ZNF496: variants seen among roughly 807,000 people sequenced by gnomAD.
The protein encoded by ZNF496 is NSD1 (nuclear receptor binding SET-domain containing 1)-interacting zinc finger protein 1.
Under a neutral mutation model 58.9 loss-of-function variants are expected in ZNF496, and 11 were observed. The observed-to-expected ratio is 0.19, with a 90% CI of 0.12 to 0.31. The LOEUF (loss-of-function observed/expected upper bound fraction) is 0.31, where lower values mean the gene tolerates loss of function less well. Among genes scored for constraint, ZNF496 ranks in the 10% least tolerant of loss-of-function variants. ZNF496 has a pLI of 1.00. For missense variants in ZNF496, 660 were observed against 783.0 expected (o/e 0.84, Z 1.88); for synonymous variants, 338 against 318.2 (o/e 1.06, Z -0.66).
At chr1:247,328,467 G>C (rs1255763892) in intron 5 of ZNF496, among the ~76,000 whole-genome samples, 2 of 152,170 alleles carry the variant, frequency 1.3e-5, no homozygotes, top group Non-Finnish European at 2.9e-5. Context: ...GCTCTGAGAG[G>C]CTCTAGAACC....
intron 5 of ZNF496, among the ~76,000 whole-genome samples, chr1:247,325,978 C>G (rs1391250707): frequency 6.6e-6 from 1 of 151,788 alleles, no homozygotes; most frequent in Non-Finnish European, 1.5e-5. Context: ...CAGTGGCTCA[C>G]GCCTGTAATC....
rs935418255 is a variant in ZNF496, at chr1:247,309,111, A to C, written c.893-523T>G. 4.7e-5 allele frequency: 8 copies of C among 168,764 alleles called. No homozygotes were observed. Among genetic ancestry groups the C allele is most frequent in the Non-Finnish European group, 1.0e-4 (8 of 78,310 alleles). The allele number at this position is 168,764 out of a possible 1,614,324, so 10.5% of individuals were successfully genotyped here. ...AGGGGAAGAAGGTGTGGAGCTGCTG[A>C]TGATTCTGTACAAAGCTATTTCCTC... On this transcript the variant is annotated intron_variant, in intron 8 of 9. Transcript: ENST00000682384. This position sits in a 1 kb window ranked among gnomAD's most constrained non-coding sequence, Gnocchi z 4.3.
chr1:247,328,979 A>T (rs1221393645), intron 4 of ZNF496, 113 bp from the exon 5 acceptor site: 1 of 1,430,756 alleles, frequency 7.0e-7, no homozygotes, highest in Non-Finnish European at 9.4e-7. Flanking sequence ...TAGGCCTTGG[A>T]CTGGGCTGTA....
chr1:247,327,368 G>A (rs1660165496), intron 5 of ZNF496, among the ~76,000 whole-genome samples: 1 of 152,136 alleles, frequency 6.6e-6, no homozygotes, highest in Admixed American at 6.5e-5. Flanking sequence ...CCAACCCCTA[G>A]CTCCTTCTAA....
chr1:247,305,533 C>T (rs1270405124), intron 9 of ZNF496, among the ~76,000 whole-genome samples: 3 of 152,172 alleles, frequency 2.0e-5, no homozygotes, highest in Admixed American at 6.5e-5. Context: ...AGGCATGCAG[C>T]GTGCAGGTAA....
intron 5 of ZNF496, among the ~76,000 whole-genome samples, chr1:247,326,087 T>C (rs2386530): frequency 6.8e-6 from 1 of 146,788 alleles, no homozygotes; most frequent in Non-Finnish European, 1.5e-5. Context: ...CACACACATA[T>C]ATACACACAC....
rs1219118722 is a variant in ZNF496, at chr1:247,309,772, T to C, written c.819A>G (p.Gly273=). 1.2e-6 allele frequency: 2 copies of C among 1,614,054 alleles called. No homozygotes were observed. The highest frequency in any genetic ancestry group is 4.5e-5 in the East Asian group (2 of 44,886). The change falls in exon 8 of 10, where the codon GGA becomes GGG. Residue 273 remains glycine (G), a synonymous_variant. Transcript: ENST00000682384. This position sits in a 1 kb window ranked among gnomAD's most constrained non-coding sequence, Gnocchi z 4.3. ...DLAAQPDLSQ[G]EENEPRVPEL... ...CTGGAACGCGTGGCTCATTCTCCTC[T>C]CCCTGGGAGAGATCTGGCTGGGCAG...
At chr1:247,321,472 T>C (rs1041072891) in intron 6 of ZNF496, among the ~76,000 whole-genome samples, 1 of 152,120 alleles carries the variant, frequency 6.6e-6, no homozygotes, top group Non-Finnish European at 1.5e-5. Context: ...TTAACACCAC[T>C]GAACCGCACA....
At chr1:247,328,617 C>G in intron 5 of ZNF496, 66 bp downstream of exon 5, 1 of 1,426,706 alleles carries the variant, frequency 7.0e-7, no homozygotes, top group Non-Finnish European at 9.3e-7. Context: ...AAAACCACAC[C>G]CAGTGCACAG....
chr1:247,302,950 G>A (rs780888161), intron 9 of ZNF496, among the ~76,000 whole-genome samples: 1 of 152,180 alleles, frequency 6.6e-6, no homozygotes, highest in African/African-American at 2.4e-5. Context: ...AAGGTGGACC[G>A]CTAAGATCTC....
chr1:247,323,166 G>A lies in ZNF496; in HGVS notation c.639C>T (p.Leu213=), dbSNP rs781318493. Residue 213 remains leucine (L), a synonymous_variant, in exon 6 of 10, where the codon CTC becomes CTT. Coordinates refer to ENST00000682384, the MANE Select transcript of ZNF496 (RefSeq NM_032752.3). The part of the protein sequence containing the change: ...NVRDTQQVTT[L]QLPPSRVSPF... ...AGAAACCACTCACCGGGGGTAGCTG[G>A]AGGGTGGTCACCTGCTGTGTGTCCC... is the stretch of plus-strand genomic sequence containing the variant. 1.1e-5 allele frequency: 17 copies of A among 1,613,884 alleles called. No homozygotes were observed. The highest frequency in any genetic ancestry group is 1.6e-4 in the Middle Eastern group (1 of 6,064).
intron 5 of ZNF496, 42 bp downstream of exon 5, chr1:247,328,641 C>A: frequency 6.6e-7 from 1 of 1,509,848 alleles, no homozygotes; most frequent in Non-Finnish European, 8.9e-7. Context: ...GGGGTGTGCA[C>A]TTCCCCAGAT....
Position 247,323,156 on chromosome 1 carries a change from G to A in ZNF496, c.649C>T (p.Pro217Ser). 1 of 1,613,652 alleles carries A rather than the reference G, an allele frequency of 6.2e-7. No homozygotes were observed. The highest frequency in any genetic ancestry group is 1.1e-5 in the South Asian group (1 of 91,064). ...TQQVTTLQLPPSRVSPFKDMI... is the reference protein window; with the variant it reads ...TQQVTTLQLPSSRVSPFKDMI... ...GGACTCCTGTAGAAACCACTCACCG[G>A]GGGTAGCTGGAGGGTGGTCACCTGC... Residue 217 changes from proline to serine, a missense_variant and splice_region_variant, in exon 6 of 10, where the codon CCG (proline) becomes TCG (serine). Transcript: ENST00000682384.
rs185574025 is a variant in ZNF496 at position 247,322,833 on chromosome 1, C to T, written c.651+321G>A. 5.9e-5 allele frequency: 77 copies of T among 1,294,356 alleles called. No homozygotes were observed. The African/African-American group carries it at 1.0e-3, about 17-fold the overall frequency. The allele number at this position is 1,294,356 out of a possible 1,614,324, so 80.2% of individuals were successfully genotyped here. ...GTAAAATAAAAGAGCAGAGAGATCTCCTTTTTCACAAGAGGGGAACTTAGA... is the reference window on the plus strand; with the variant it reads ...GTAAAATAAAAGAGCAGAGAGATCTTCTTTTTCACAAGAGGGGAACTTAGA... On this transcript the variant is annotated intron_variant, in intron 6 of 9. Coordinates refer to ENST00000682384, the MANE Select transcript of ZNF496 (RefSeq NM_032752.3).
At chr1:247,307,154 C>T (rs937462765) in intron 9 of ZNF496, 23 of 985,326 alleles carry the variant, frequency 2.3e-5, no homozygotes, top group African/African-American at 3.5e-5. Flanking sequence ...GAGTGTCCTG[C>T]GTGGGCATGG....
In ZNF496 at chr1:247,321,892, A is replaced by C. The variant is rs539506685; in HGVS notation, c.651+1262T>G. On this transcript the variant is annotated intron_variant, in intron 6 of 9. Coordinates refer to ENST00000682384, the MANE Select transcript of ZNF496 (RefSeq NM_032752.3). ...GCATCAGGGTAAACAGGCGTGTGCC[A>C]CATTTCTGGTGGGGCAAAAGCAAGT... 1.4e-4 allele frequency among the ~76,000 whole-genome samples: 22 copies of C among 152,382 alleles called. 1 individual carries two copies. The East Asian group carries it at 3.7e-3, about 25-fold the overall frequency.
rs1012703534 is a variant in ZNF496 at position 247,320,705 on chromosome 1, C to T, written c.651+2449G>A. On this transcript the variant is annotated intron_variant, in intron 6 of 9. Transcript: ENST00000682384. ...ACAATGGCATGTGAATCTACAATTA[C>T]GTAAAAATGAGAAGATTCATTTAAA... is the stretch of plus-strand genomic sequence containing the variant. 5.9e-5 allele frequency among the ~76,000 whole-genome samples: 9 copies of T among 152,046 alleles called. 1 individual carries two copies. The highest frequency in any genetic ancestry group is 2.1e-4 in the South Asian group (1 of 4,818).
At chr1:247,330,454 C>T (rs1438909992) in intron 2 of ZNF496, among the ~76,000 whole-genome samples, 1 of 152,198 alleles carries the variant, frequency 6.6e-6, no homozygotes, top group Non-Finnish European at 1.5e-5. Flanking sequence ...AAAGTGGGTC[C>T]GTCACTGCAC....
At position 247,309,896 on chromosome 1, in the gene ZNF496, T is replaced by C; in HGVS notation, c.785-90A>G. The C allele has an allele frequency of 6.8e-7, 1 of 1,480,408 alleles. No individual in the cohort carries two copies. Among genetic ancestry groups the C allele is most frequent in the South Asian group, 1.2e-5 (1 of 81,214 alleles). 91.7% of individuals were successfully genotyped at this position (1,480,408 alleles called of 1,614,324 possible). On this transcript the variant is annotated intron_variant, in intron 7 of 9. Coordinates refer to ENST00000682384, the MANE Select transcript of ZNF496 (RefSeq NM_032752.3). This position sits in a 1 kb window ranked among gnomAD's most constrained non-coding sequence, Gnocchi z 4.3. ...GTCCAGAAGAGAGAAGGCGGAGGGA[T>C]GCCCAGCGGGCATGGCACCATCAGG...
Sources: allele counts gnomAD v4.1 joint callset (sites outside exome capture counted in the v4.1 genomes callset), GRCh38; gene constraint gnomAD v4.1.1; non-coding constraint Gnocchi (gnomAD v3.1); transcripts MANE v1.5; gene names NCBI Gene and HGNC (gene_info 2026-07-23, HGNC 2026-07-21).